The following ABCD2 variants were observed in gnomAD, a reference collection of about 807,000 sequenced individuals.
ABCD2 encodes ATP binding cassette subfamily D member 2.
In ABCD2, 36 loss-of-function variants were observed where a neutral mutation model predicts 70.9. The observed-to-expected ratio is 0.51, with a 90% CI of 0.39 to 0.67. The LOEUF (loss-of-function observed/expected upper bound fraction) is 0.67, where lower values mean the gene tolerates loss of function less well. ABCD2 is among the 30% of genes least tolerant of loss of function. The pLI, the probability that ABCD2 is intolerant of heterozygous loss-of-function variation, is 0.00. For synonymous variants in ABCD2, 304 were observed against 306.9 expected (o/e 0.99, Z 0.10); for missense variants, 729 against 890.2 (o/e 0.82, Z 2.30).
chr12:39,594,175 C>T (rs1399993851), intron 6 of ABCD2, among the ~76,000 whole-genome samples: 1 of 152,142 alleles, frequency 6.6e-6, no homozygotes, highest in Non-Finnish European at 1.5e-5. Context: ...TTTTCATACA[C>T]ATGCCCCTGT....
At chr12:39,577,024 A>G (rs536792007) in intron 8 of ABCD2, among the ~76,000 whole-genome samples, 1 of 152,210 alleles carries the variant, frequency 6.6e-6, no homozygotes, top group South Asian at 2.1e-4. Flanking sequence ...AGCTACATCA[A>G]AATAATAAAA....
At chr12:39,531,742 G>A in the ABCD2 span, among the ~76,000 whole-genome samples, 1 of 152,190 alleles carries the variant, frequency 6.6e-6, no homozygotes, top group Admixed American at 6.5e-5. Flanking sequence ...TTTGTGAGGG[G>A]CTGTCCCAGA....
chr12:39,573,887 T>A (rs1437358886), intron 8 of ABCD2, 46 bp from the exon 9 acceptor site: 1 of 1,561,714 alleles, frequency 6.4e-7, no homozygotes, highest in Admixed American at 1.8e-5. Context: ...CTATATGAAC[T>A]ATAAGTTTTT....
intron 8 of ABCD2, among the ~76,000 whole-genome samples, chr12:39,576,448 C>T (rs948358142): frequency 1.3e-5 from 2 of 152,060 alleles, no homozygotes; most frequent in Non-Finnish European, 2.9e-5. Flanking sequence ...CGTGATCCAC[C>T]GCGCCCGGGA....
At chr12:39,591,040 A>C (rs1293413046) in intron 6 of ABCD2, among the ~76,000 whole-genome samples, 1 of 152,200 alleles carries the variant, frequency 6.6e-6, no homozygotes, top group African/African-American at 2.4e-5. Context: ...ATTGATAAAA[A>C]TTTTGCAGCA....
At chr12:39,593,968 C>T (rs77619839) in intron 6 of ABCD2, among the ~76,000 whole-genome samples, 11,578 of 152,084 alleles carry the variant, frequency 0.076, 1,503 homozygotes, top group African/African-American at 0.26. Flanking sequence ...AATATAGCTT[C>T]CTTCACCTTA....
intron 9 of ABCD2, among the ~76,000 whole-genome samples, chr12:39,569,681 G>T (rs1409755550): frequency 6.6e-6 from 1 of 152,158 alleles, no homozygotes; most frequent in Non-Finnish European, 1.5e-5. Context: ...CGGTACCTCA[G>T]TTGGAAATGC....
At chr12:39,559,378 C>CAAAAAAAA (rs199560381) in intron 9 of ABCD2, among the ~76,000 whole-genome samples, 3 of 60,392 alleles carry the variant, frequency 5.0e-5, no homozygotes, top group African/African-American at 1.3e-4. Context: ...ACTCCAGCTC[C>CAAAAAAAA]AAAAAAAAAA....
chr12:39,549,490 A>T (rs909674866), downstream of ABCD2, among the ~76,000 whole-genome samples: 11 of 151,906 alleles, frequency 7.2e-5, no homozygotes, highest in Non-Finnish European at 1.2e-4. Context: ...GTCAACAAGT[A>T]TTTACTGAAT....
chr12:39,595,546 A>T (rs1941804650), intron 6 of ABCD2, among the ~76,000 whole-genome samples: 2 of 152,198 alleles, frequency 1.3e-5, no homozygotes, highest in Admixed American at 1.3e-4. Context: ...GCTTACAATC[A>T]AATTTAAGAC....
chr12:39,600,672 A>G lies in ABCD2; in HGVS notation c.1545T>C (p.Cys515=). ...MHLLITGPNG[C]GKSSLFRILS... Reference sequence around the variant, plus strand: ...GAATTCTGAAGAGAGAACTTTTCCCACAACCATTGGGACCAGTTATCAAAA... The same window carrying G: ...GAATTCTGAAGAGAGAACTTTTCCCGCAACCATTGGGACCAGTTATCAAAA... Residue 515 remains cysteine (C), a synonymous_variant, in exon 6 of 10, where the codon TGT becomes TGC. Coordinates refer to ENST00000308666, the MANE Select transcript of ABCD2 (RefSeq NM_005164.4). The G allele has an allele frequency of 2.5e-6, 4 of 1,612,486 alleles. No homozygotes were observed. Among genetic ancestry groups the G allele is most frequent in the Non-Finnish European group, 1.7e-6 (2 of 1,179,270 alleles).
rs1272804284 is a variant in ABCD2, at chr12:39,551,588, A to G, written c.*2324T>C. ...TGTTGGTCCTGAAAAATAAATTCAGAAAACAAATAGGCACAAAAAGCTCAT... is the reference window on the plus strand; with the variant it reads ...TGTTGGTCCTGAAAAATAAATTCAGGAAACAAATAGGCACAAAAAGCTCAT... On this transcript the variant is annotated 3_prime_UTR_variant, in exon 10 of 10. Transcript: ENST00000308666. The G allele has an allele frequency of 6.6e-6, 1 of 151,818 alleles. No individual in the cohort carries two copies. Among genetic ancestry groups the G allele is most frequent in the Non-Finnish European group, 1.5e-5 (1 of 67,730 alleles). 9.4% of individuals were successfully genotyped at this position (151,818 alleles called of 1,614,324 possible).
At position 39,553,850 on chromosome 12, in the gene ABCD2, G is replaced by T; in HGVS notation, c.*62C>A. 8.0e-7 allele frequency: 1 copy of T among 1,247,444 alleles called. No individual in the cohort carries two copies. Among genetic ancestry groups the T allele is most frequent in the Non-Finnish European group, 1.1e-6 (1 of 888,132 alleles). 77.3% of individuals were successfully genotyped at this position (1,247,444 alleles called of 1,614,324 possible). On this transcript the variant is annotated 3_prime_UTR_variant, in exon 10 of 10. Coordinates refer to ENST00000308666, the MANE Select transcript of ABCD2 (RefSeq NM_005164.4). ...TGCTTAGCTTAACATACTTCATGCA[G>T]TATAACAGAATGTCTTTGAGCCTTT...
intron 2 of ABCD2, among the ~76,000 whole-genome samples, chr12:39,611,589 A>T (rs1194109263): frequency 6.6e-6 from 1 of 152,138 alleles, no homozygotes; most frequent in Admixed American, 6.5e-5. Flanking sequence ...GAAATGAAAA[A>T]CCAAGGAAAT....
At chr12:39,577,383 C>T (rs1030967844) in intron 8 of ABCD2, among the ~76,000 whole-genome samples, 25 of 152,142 alleles carry the variant, frequency 1.6e-4, no homozygotes, top group Middle Eastern at 3.4e-3. Flanking sequence ...GATTGGGGAA[C>T]AAGATAAAGG....
intron 6 of ABCD2, among the ~76,000 whole-genome samples, chr12:39,594,990 C>CTCCT (rs1250288853): frequency 6.6e-6 from 1 of 151,826 alleles, no homozygotes; most frequent in Non-Finnish European, 1.5e-5. Flanking sequence ...ATGGTGAACC[C>CTCCT]AGGAGGCAGA....
chr12:39,547,634 G>A (rs944071347), downstream of ABCD2, among the ~76,000 whole-genome samples: 24 of 152,056 alleles, frequency 1.6e-4, no homozygotes, highest in African/African-American at 5.6e-4. Context: ...AAACAAAGTA[G>A]ACTGGTGGTT....
chr12:39,541,906 A>G, the ABCD2 span, among the ~76,000 whole-genome samples: 2 of 152,236 alleles, frequency 1.3e-5, no homozygotes, highest in Non-Finnish European at 2.9e-5. Context: ...TGTAAACAAT[A>G]TGATCCTATC....
intron 7 of ABCD2, among the ~76,000 whole-genome samples, chr12:39,582,880 A>G (rs576285764): frequency 5.6e-4 from 84 of 149,026 alleles, no homozygotes; most frequent in African/African-American, 1.9e-3. Flanking sequence ...TTTTTTTTAG[A>G]CAGGGTCTCA....
Sources: allele counts gnomAD v4.1 joint callset (sites outside exome capture counted in the v4.1 genomes callset), GRCh38; gene constraint gnomAD v4.1.1; transcripts MANE v1.5; gene names NCBI Gene and HGNC (gene_info 2026-07-23, HGNC 2026-07-21).